The following CCDC77 variants were observed in gnomAD, a reference collection of about 807,000 sequenced individuals.
CCDC77 encodes coiled-coil domain containing 77.
A neutral mutation model predicts 66.8 loss-of-function variants in CCDC77; 56 were observed. That is an observed-to-expected ratio of 0.84 (90% CI 0.68 to 1.05). CCDC77 has a LOEUF of 1.05. Among genes scored for constraint, CCDC77 ranks in the 50% least tolerant of loss-of-function variants. The pLI, the probability that CCDC77 is intolerant of heterozygous loss-of-function variation, is 0.00. For missense variants in CCDC77, 570 were observed against 576.8 expected (o/e 0.99, Z 0.12); for synonymous variants, 196 against 195.2 (o/e 1.00, Z -0.03).
Position 441,923 on chromosome 12 carries a change from T to C in CCDC77, c.*3T>C, listed in dbSNP as rs752353061. 2.5e-6 allele frequency: 4 copies of C among 1,613,750 alleles called. No homozygotes were observed. The highest frequency in any genetic ancestry group is 3.4e-6 in the Non-Finnish European group (4 of 1,179,842). On this transcript the variant is annotated 3_prime_UTR_variant, in exon 13 of 13. Coordinates refer to ENST00000239830, the MANE Select transcript of CCDC77 (RefSeq NM_032358.4). The stretch of plus-strand genomic sequence containing the variant: ...AGAATGAACTTAGACTCTGTTAATG[T>C]CTACTTTTGGAAATGGCCCCCATTT...
chr12:433,326 A>G lies in CCDC77; in HGVS notation c.821+4A>G. ...AAATCAAAGAGCTAACCAAAAAGTG[A>G]GTGTCTAAGAAAGCTGTACCTAACG... is the stretch of plus-strand genomic sequence containing the variant. On this transcript the variant is annotated splice_donor_region_variant and intron_variant, in intron 9 of 12. Coordinates refer to ENST00000239830, the MANE Select transcript of CCDC77 (RefSeq NM_032358.4). The G allele has an allele frequency of 6.2e-7, 1 of 1,613,754 alleles. No homozygotes were observed. The highest frequency in any genetic ancestry group is 8.5e-7 in the Non-Finnish European group (1 of 1,179,876).
At chr12:423,630 G>T (rs118081726) in intron 5 of CCDC77, among the ~76,000 whole-genome samples, 1,678 of 151,032 alleles carry the variant, frequency 0.011, 12 homozygotes, top group Non-Finnish European at 0.016. Flanking sequence ...CCAGTTAGTT[G>T]GGACCATGGG....
At chr12:415,370 TA>T (rs1945216330) in intron 4 of CCDC77, among the ~76,000 whole-genome samples, 2 of 124,908 alleles carry the variant, frequency 1.6e-5, no homozygotes, top group South Asian at 5.1e-4. Flanking sequence ...TATGTTAATA[TA>T]ATCAACATAA....
intron 1 of CCDC77, among the ~76,000 whole-genome samples, chr12:389,810 CTCT>C (rs1380471751): frequency 6.6e-6 from 1 of 152,190 alleles, no homozygotes; most frequent in African/African-American, 2.4e-5. Flanking sequence ...TCCAGCATTT[CTCT>C]TTTTTTAGCC....
intron 4 of CCDC77, among the ~76,000 whole-genome samples, chr12:416,371 G>GTATA (rs1945272960): frequency 7.2e-5 from 2 of 27,652 alleles, no homozygotes; most frequent in East Asian, 7.6e-4. Context: ...GTGTGTGTGT[G>GTATA]TGTGTGTATA....
chr12:438,830 AG>A (rs953890966), intron 10 of CCDC77, among the ~76,000 whole-genome samples: 6 of 151,926 alleles, frequency 3.9e-5, no homozygotes, highest in African/African-American at 1.4e-4. Flanking sequence ...GCACTTTGGG[AG>A]GCCTAGGTGG....
intron 1 of CCDC77, among the ~76,000 whole-genome samples, chr12:401,986 G>A (rs1016396255): frequency 6.6e-6 from 1 of 152,150 alleles, no homozygotes; most frequent in Non-Finnish European, 1.5e-5. Flanking sequence ...CTAACCCCAC[G>A]CTGGTCTAGC....
At chr12:415,433 CAT>C (rs1486673708) in intron 4 of CCDC77, among the ~76,000 whole-genome samples, 3 of 122,994 alleles carry the variant, frequency 2.4e-5, no homozygotes, top group East Asian at 2.9e-4. Context: ...ACATAATTAA[CAT>C]AATAATATGT....
At chr12:389,526 A>C (rs1380015838) in intron 1 of CCDC77, 1 of 260,262 alleles carries the variant, frequency 3.8e-6, no homozygotes, top group African/African-American at 3.4e-5. Flanking sequence ...TCTTTACTAG[A>C]GGTACGGATT....
chr12:399,111 C>T (rs995034617), upstream of CCDC77, among the ~76,000 whole-genome samples: 2 of 151,914 alleles, frequency 1.3e-5, no homozygotes, highest in Non-Finnish European at 1.5e-5. Context: ...AGAAGGTTTT[C>T]GATTTACTTT....
At chr12:428,922 C>G in intron 6 of CCDC77, 57 bp downstream of exon 6, 1 of 1,082,426 alleles carries the variant, frequency 9.2e-7, no homozygotes. Flanking sequence ...CAGGCTAAGG[C>G]CCATCATCAG....
chr12:389,347 G>A (rs1944701593), upstream of CCDC77: 4 of 623,164 alleles, frequency 6.4e-6, no homozygotes, highest in Admixed American at 2.5e-5. Flanking sequence ...TGCAGGAAAC[G>A]GAATCCTTCC....
chr12:423,471 T>TGTG lies in CCDC77; in HGVS notation c.413+4835_413+4836insGTG, dbSNP rs1178881892. Among the ~76,000 whole-genome samples, 20 of 53,386 alleles carry TGTG rather than the reference T, an allele frequency of 3.7e-4. 1 individual carries two copies. The highest frequency in any genetic ancestry group is 2.9e-3 in the Admixed American group (12 of 4,084). The allele number at this position is 53,386 out of a possible 152,430, so 35.0% of individuals were successfully genotyped here. ...TGTTATTTTCTGGGTGTTTTTTGTG[T>TGTG]TTTTTGTGTTTTTTTTTGTTTTGTT... On this transcript the variant is annotated intron_variant, in intron 5 of 12. Transcript: ENST00000239830.
chr12:395,089 T>C (rs1331236972), intron 1 of CCDC77: 2 of 152,118 alleles, frequency 1.3e-5, no homozygotes, highest in Non-Finnish European at 2.9e-5. Context: ...TTGTTCTTAG[T>C]TTTCTGAGGC....
intron 1 of CCDC77, among the ~76,000 whole-genome samples, chr12:391,864 A>G (rs894964705): frequency 1.3e-5 from 2 of 152,260 alleles, no homozygotes; most frequent in Non-Finnish European, 2.9e-5. Flanking sequence ...AGTGAATAGA[A>G]GGGCAGCAAA....
intron 2 of CCDC77, among the ~76,000 whole-genome samples, chr12:407,543 T>C (rs1044467127): frequency 6.6e-6 from 1 of 152,038 alleles, no homozygotes; most frequent in Non-Finnish European, 1.5e-5. Flanking sequence ...AAACTACTAA[T>C]GTGCACATGC....
chr12:415,372 A>G (rs1045497969), intron 4 of CCDC77, among the ~76,000 whole-genome samples: 7 of 124,784 alleles, frequency 5.6e-5, no homozygotes, highest in Non-Finnish European at 1.2e-4. Flanking sequence ...TGTTAATATA[A>G]TCAACATAAT....
chr12:416,377 GTATATATATATATATATATATATATATA>G (rs1167006549), intron 4 of CCDC77, among the ~76,000 whole-genome samples: 2 of 20,592 alleles, frequency 9.7e-5, no homozygotes, highest in African/African-American at 3.0e-4. Flanking sequence ...GTGTGTGTGT[GTATATATATATATATATATATATATATA>G]TATATATATA....
At chr12:418,797 C>G (rs1411872197) in intron 5 of CCDC77, 161 bp downstream of exon 5, 1 of 681,962 alleles carries the variant, frequency 1.5e-6, no homozygotes, top group Non-Finnish European at 2.4e-6. Flanking sequence ...CCTCCTGGTT[C>G]CAGCGATTCT....
Sources: gnomAD v4.1 joint callset for allele counts (sites outside exome capture counted in the v4.1 genomes callset) on GRCh38, gnomAD v4.1.1 for gene constraint, MANE v1.5 for transcripts, NCBI Gene and HGNC (gene_info 2026-07-23, HGNC 2026-07-21) for gene names.